KCNAB1: variants seen among roughly 807,000 people sequenced by gnomAD.
KCNAB1 encodes voltage-gated potassium channel subunit beta-1.
Under a neutral mutation model 64.6 loss-of-function variants are expected in KCNAB1, and 35 were observed. The ratio of observed to expected loss-of-function variants is 0.54; its 90% CI spans 0.41 to 0.72. KCNAB1 has a LOEUF of 0.72. Among genes scored for constraint, KCNAB1 ranks in the 30% least tolerant of loss-of-function variants. KCNAB1 has a pLI of 0.00. For synonymous variants in KCNAB1, 177 were observed against 183.8 expected, an observed-to-expected ratio of 0.96 and a Z score of 0.30; for missense variants, 401 against 512.9, an observed-to-expected ratio of 0.78 and a Z score of 2.11.
intron 1 of KCNAB1, among the ~76,000 whole-genome samples, chr3:156,374,764 C>T (rs970655417): frequency 7.4e-6 from 1 of 134,988 alleles, no homozygotes; most frequent in Non-Finnish European, 1.5e-5. Flanking sequence ...AGTTAAACCT[C>T]GCTTTCCTTA....
intron 8 of KCNAB1, among the ~76,000 whole-genome samples, chr3:156,502,227 G>T (rs1177389735): frequency 2.0e-5 from 3 of 152,034 alleles, no homozygotes; most frequent in Non-Finnish European, 2.9e-5. Flanking sequence ...AGAGCCAAAT[G>T]ACTCCTGAAA....
chr3:156,518,055 A>C (rs555225812), intron 11 of KCNAB1, among the ~76,000 whole-genome samples: 3 of 152,336 alleles, frequency 2.0e-5, no homozygotes, highest in Non-Finnish European at 4.4e-5. Context: ...ACTGTTTGAG[A>C]AAAGCTTGCA....
At chr3:156,183,940 G>A (rs1228515014) in intron 1 of KCNAB1, among the ~76,000 whole-genome samples, 1 of 152,138 alleles carries the variant, frequency 6.6e-6, no homozygotes. Flanking sequence ...TTTAATTTTG[G>A]TGACCCTCAG....
intron 1 of KCNAB1, among the ~76,000 whole-genome samples, chr3:156,368,323 G>A (rs572914734): frequency 2.6e-5 from 4 of 152,320 alleles, no homozygotes; most frequent in East Asian, 1.9e-4. Flanking sequence ...AAATCTCAAC[G>A]AATGCATCTG....
At chr3:156,173,547 A>T (rs1414411362) in intron 1 of KCNAB1, among the ~76,000 whole-genome samples, 1 of 152,162 alleles carries the variant, frequency 6.6e-6, no homozygotes, top group Non-Finnish European at 1.5e-5. Flanking sequence ...GGTCTATCCA[A>T]TTGTCAGTGG....
At chr3:156,458,046 A>T (rs535934503) in intron 4 of KCNAB1, among the ~76,000 whole-genome samples, 1 of 152,324 alleles carries the variant, frequency 6.6e-6, no homozygotes, top group East Asian at 1.9e-4. Context: ...CAGAAAGATT[A>T]GACGTCAAAG....
At chr3:156,408,076 G>A (rs1714375239) in intron 1 of KCNAB1, among the ~76,000 whole-genome samples, 1 of 151,970 alleles carries the variant, frequency 6.6e-6, no homozygotes, top group South Asian at 2.1e-4. Context: ...GGCGGTGGTG[G>A]CGGGACACGG....
intron 1 of KCNAB1, among the ~76,000 whole-genome samples, chr3:156,394,968 A>G (rs1713316357): frequency 1.3e-5 from 2 of 152,310 alleles, no homozygotes; most frequent in East Asian, 3.9e-4. Context: ...TGATTTGTGA[A>G]CTTCTAAAAT....
At chr3:156,460,576 G>A (rs180793885) in intron 5 of KCNAB1, 21 of 152,426 alleles carry the variant, frequency 1.4e-4, no homozygotes, top group African/African-American at 5.1e-4. Flanking sequence ...CACGAGTACA[G>A]AATTAAGCAA....
In KCNAB1 at chr3:156,516,270, G is replaced by A. The variant is rs1221350304; in HGVS notation, c.866G>A (p.Gly289Asp). The A allele has an allele frequency of 6.2e-7, 1 of 1,612,306 alleles. No individual in the cohort carries two copies. Among genetic ancestry groups the A allele is most frequent in the Non-Finnish European group, 8.5e-7 (1 of 1,178,350 alleles). ...VQLPELYHKI[G>D]VGAMTWSPLA... ...ACTTTCTAAGTTTTTTCTTCTGTAGGTGTTGGCGCAATGACATGGTCTCCA... is the reference window on the plus strand; with the variant it reads ...ACTTTCTAAGTTTTTTCTTCTGTAGATGTTGGCGCAATGACATGGTCTCCA... The change falls in exon 11 of 14, where the codon GGT (glycine) becomes GAT (aspartate). Residue 289 changes from glycine to aspartate, a missense_variant and splice_region_variant. Coordinates refer to ENST00000490337, the MANE Select transcript of KCNAB1 (RefSeq NM_172160.3).
intron 1 of KCNAB1, among the ~76,000 whole-genome samples, chr3:156,381,684 G>C (rs754350477): frequency 9.2e-5 from 14 of 152,178 alleles, no homozygotes; most frequent in African/African-American, 3.4e-4. Context: ...AAAGGATCTT[G>C]TGGAAAATGG....
intron 1 of KCNAB1, among the ~76,000 whole-genome samples, chr3:156,135,235 G>A (rs1357574760): frequency 2.0e-5 from 3 of 152,028 alleles, no homozygotes; most frequent in Non-Finnish European, 4.4e-5. Flanking sequence ...GACCTCAAGC[G>A]ATCCTCCCAG....
At chr3:156,445,144 A>C (rs760427204) in intron 2 of KCNAB1, among the ~76,000 whole-genome samples, 6 of 152,124 alleles carry the variant, frequency 3.9e-5, no homozygotes, top group Non-Finnish European at 7.4e-5. Flanking sequence ...AAAAATACAA[A>C]AATTGGCCGG....
chr3:156,484,103 C>T (rs1576925690), intron 8 of KCNAB1, among the ~76,000 whole-genome samples: 2 of 152,106 alleles, frequency 1.3e-5, no homozygotes, highest in South Asian at 4.1e-4. Context: ...GAAGGATATG[C>T]TTATATGCTA....
At chr3:156,484,504 G>A (rs1715059640) in intron 8 of KCNAB1, among the ~76,000 whole-genome samples, 1 of 152,118 alleles carries the variant, frequency 6.6e-6, no homozygotes, top group Non-Finnish European at 1.5e-5. Flanking sequence ...TCATTTCTCT[G>A]AGAGATATTT....
chr3:156,264,521 T>G (rs1408233706), intron 1 of KCNAB1, among the ~76,000 whole-genome samples: 1 of 152,132 alleles, frequency 6.6e-6, no homozygotes, highest in Non-Finnish European at 1.5e-5. Context: ...TTTTTAAAAA[T>G]ATTTCTGTGA....
intron 1 of KCNAB1, among the ~76,000 whole-genome samples, chr3:156,348,066 A>G (rs1724601172): frequency 6.6e-6 from 1 of 152,156 alleles, no homozygotes; most frequent in Non-Finnish European, 1.5e-5. Flanking sequence ...GACATAATAA[A>G]ATAATGTAGG....
At chr3:156,332,241 A>G (rs1200384528) in intron 1 of KCNAB1, among the ~76,000 whole-genome samples, 1 of 152,190 alleles carries the variant, frequency 6.6e-6, no homozygotes, top group African/African-American at 2.4e-5. Flanking sequence ...TAAAACATTA[A>G]TGAAAGTTTA....
intron 2 of KCNAB1, among the ~76,000 whole-genome samples, chr3:156,445,228 G>A (rs767441750): frequency 3.3e-5 from 5 of 152,110 alleles, no homozygotes. Flanking sequence ...CCTGGGAGGC[G>A]GAAGTTGCAG....
Sources: gnomAD v4.1 joint callset for allele counts (sites outside exome capture counted in the v4.1 genomes callset) on GRCh38, gnomAD v4.1.1 for gene constraint, MANE v1.5 for transcripts, NCBI Gene and HGNC (gene_info 2026-07-23, HGNC 2026-07-21) for gene names.